Variants in CAMTA1 observed in about 807,000 individuals in gnomAD.
The protein encoded by CAMTA1 is calmodulin binding transcription activator 1, also known as calmodulin-binding transcription activator 1.
CAMTA1 carries 27 observed loss-of-function variants against 170.9 expected under a neutral mutation model. The ratio of observed to expected loss-of-function variants is 0.16; its 90% CI spans 0.12 to 0.22. The LOEUF is 0.22. Ranked by LOEUF, CAMTA1 falls within the 10% of genes least tolerant of loss-of-function variation. The pLI is 1.00. For synonymous variants in CAMTA1, 833 were observed against 891.5 expected (o/e 0.93, Z 1.17); for missense variants, 1,619 against 2,217.2 (o/e 0.73, Z 5.42).
At chr1:6,897,307 G>C (rs1362995556) in intron 3 of CAMTA1, among the ~76,000 whole-genome samples, 1 of 152,194 alleles carries the variant, frequency 6.6e-6, no homozygotes, top group Non-Finnish European at 1.5e-5. Context: ...TGTGCAAGAA[G>C]CATGTAAGCA....
intron 11 of CAMTA1, among the ~76,000 whole-genome samples, chr1:7,692,413 CACTACAT>C (rs1405609827): frequency 6.6e-6 from 1 of 152,160 alleles, no homozygotes; most frequent in Non-Finnish European, 1.5e-5. Flanking sequence ...CTTGGCAAGT[CACTACAT>C]GGTAGGTTGT....
intron 6 of CAMTA1, among the ~76,000 whole-genome samples, chr1:7,500,738 C>T (rs904001042): frequency 6.6e-6 from 1 of 152,056 alleles, no homozygotes; most frequent in Non-Finnish European, 1.5e-5. Flanking sequence ...GGAGGGAGGG[C>T]CGGTGTTCCC....
chr1:6,861,365 C>T (rs531313886), intron 3 of CAMTA1, among the ~76,000 whole-genome samples: 28 of 152,226 alleles, frequency 1.8e-4, no homozygotes, highest in African/African-American at 5.1e-4. Flanking sequence ...TGTAGGTTAA[C>T]GAAAACTAAA....
At chr1:7,141,448 T>G (rs201868761) in intron 4 of CAMTA1, among the ~76,000 whole-genome samples, 2 of 152,216 alleles carry the variant, frequency 1.3e-5, no homozygotes, top group East Asian at 3.8e-4. Context: ...CACCAGTCAT[T>G]ATCCCCTTGT....
At chr1:7,103,374 C>T (rs902357293) in intron 4 of CAMTA1, among the ~76,000 whole-genome samples, 8 of 149,786 alleles carry the variant, frequency 5.3e-5, no homozygotes, top group African/African-American at 2.0e-4. Context: ...CACATATATA[C>T]ACAACTACAC....
At chr1:7,501,189 G>A (rs748672691) in intron 6 of CAMTA1, among the ~76,000 whole-genome samples, 3 of 152,124 alleles carry the variant, frequency 2.0e-5, no homozygotes, top group Non-Finnish European at 4.4e-5. Flanking sequence ...GGCTCTCCCT[G>A]GAAGGCTGCC....
intron 4 of CAMTA1, among the ~76,000 whole-genome samples, chr1:7,207,342 T>C (rs1657921862): frequency 6.6e-6 from 1 of 152,232 alleles, no homozygotes; most frequent in African/African-American, 2.4e-5. Context: ...AGGGCCAGGT[T>C]GCTGACACTG....
chr1:7,597,609 G>C (rs1026621741), intron 6 of CAMTA1, among the ~76,000 whole-genome samples: 1 of 152,040 alleles, frequency 6.6e-6, no homozygotes, highest in Non-Finnish European at 1.5e-5. Flanking sequence ...CATGATTGTG[G>C]GGCTCCAAAT....
intron 1 of CAMTA1, among the ~76,000 whole-genome samples, chr1:6,788,597 T>C (rs1640110480): frequency 6.6e-6 from 1 of 152,122 alleles, no homozygotes. Flanking sequence ...TTAGGGAACT[T>C]CGGAAAAACG....
intron 3 of CAMTA1, among the ~76,000 whole-genome samples, chr1:6,866,805 T>G (rs1226524606): frequency 6.6e-6 from 1 of 152,230 alleles, no homozygotes; most frequent in Non-Finnish European, 1.5e-5. Flanking sequence ...AATTTGAAAA[T>G]TAGTAATCAA....
intron 3 of CAMTA1, among the ~76,000 whole-genome samples, chr1:7,049,428 G>A (rs182475489): frequency 6.6e-6 from 1 of 152,096 alleles, no homozygotes; most frequent in Non-Finnish European, 1.5e-5. Context: ...TCTTCATTTT[G>A]TGTCTCTTGA....
intron 4 of CAMTA1, among the ~76,000 whole-genome samples, chr1:7,230,145 G>A (rs186490899): frequency 6.6e-6 from 1 of 152,154 alleles, no homozygotes; most frequent in African/African-American, 2.4e-5. Context: ...AGCCCAGCCT[G>A]GCCTGGCTCC....
intron 3 of CAMTA1, among the ~76,000 whole-genome samples, chr1:7,054,015 G>A (rs1457088439): frequency 2.0e-5 from 3 of 152,184 alleles, no homozygotes; most frequent in South Asian, 2.1e-4. Context: ...ATGTGTCCTG[G>A]GCTGGGGGGT....
intron 1 of CAMTA1, among the ~76,000 whole-genome samples, chr1:6,819,482 G>A (rs1646245837): frequency 6.6e-6 from 1 of 152,138 alleles, no homozygotes; most frequent in African/African-American, 2.4e-5. Context: ...TGAGTCGGGT[G>A]TTGGGTTTAT....
intron 4 of CAMTA1, among the ~76,000 whole-genome samples, chr1:7,168,881 T>C (rs1292792354): frequency 2.0e-5 from 3 of 152,232 alleles, no homozygotes; most frequent in Non-Finnish European, 4.4e-5. Context: ...TTCTAGTGTT[T>C]CATGGTTAAT....
chr1:6,799,652 A>G (rs1262395076), intron 1 of CAMTA1, among the ~76,000 whole-genome samples: 3 of 152,178 alleles, frequency 2.0e-5, no homozygotes, highest in African/African-American at 7.2e-5. Flanking sequence ...GGGTTTTCCT[A>G]GCGATGACCT....
At chr1:6,921,924 T>A (rs140277629) in intron 3 of CAMTA1, among the ~76,000 whole-genome samples, 1 of 152,252 alleles carries the variant, frequency 6.6e-6, no homozygotes, top group Non-Finnish European at 1.5e-5. Flanking sequence ...AGCCAAACCA[T>A]ATCAGTGGGG....
At chr1:6,813,009 C>T (rs943881340) in intron 1 of CAMTA1, among the ~76,000 whole-genome samples, 2 of 152,162 alleles carry the variant, frequency 1.3e-5, no homozygotes, top group Admixed American at 6.6e-5. Context: ...AGTAGGAAGT[C>T]GGCTACCTAC....
At chr1:7,323,507 CTTTTTTTTTTTT>C (rs56382342) in intron 5 of CAMTA1, among the ~76,000 whole-genome samples, 4 of 108,998 alleles carry the variant, frequency 3.7e-5, no homozygotes, top group Non-Finnish European at 7.0e-5. Flanking sequence ...CTTTATTCTT[CTTTTTTTTTTTT>C]TTTTTTTTTT....
Sources: allele counts gnomAD v4.1 joint callset (sites outside exome capture counted in the v4.1 genomes callset), GRCh38; gene constraint gnomAD v4.1.1; transcripts MANE v1.5; gene names NCBI Gene and HGNC (gene_info 2026-07-23, HGNC 2026-07-21).